Variants in CLPB observed in about 807,000 individuals in gnomAD.
CLPB encodes mitochondrial disaggregase.
In CLPB, 40 loss-of-function variants were observed where a neutral mutation model predicts 78.4. The observed-to-expected ratio is 0.51, with a 90% CI of 0.40 to 0.66. The LOEUF (loss-of-function observed/expected upper bound fraction) is 0.66. Ranked by LOEUF, CLPB falls within the 30% of genes least tolerant of loss-of-function variation. CLPB has a pLI of 0.00. For missense variants in CLPB, 780 were observed against 886.9 expected (o/e 0.88, Z 1.53); for synonymous variants, 333 against 348.0 (o/e 0.96, Z 0.48).
At chr11:72,422,549 A>G (rs1370554651) in intron 2 of CLPB, among the ~76,000 whole-genome samples, 1 of 152,214 alleles carries the variant, frequency 6.6e-6, no homozygotes, top group Non-Finnish European at 1.5e-5. Flanking sequence ...GATCTTCAGA[A>G]GCTCTCACTA....
At chr11:72,429,613 A>G (rs570333672) in intron 2 of CLPB, among the ~76,000 whole-genome samples, 14 of 152,376 alleles carry the variant, frequency 9.2e-5, no homozygotes, top group African/African-American at 3.4e-4. Flanking sequence ...TTCAACAAGA[A>G]TAAGACCTCT....
At chr11:72,316,343 T>G (rs1290407069) in intron 7 of CLPB, among the ~76,000 whole-genome samples, 2 of 152,162 alleles carry the variant, frequency 1.3e-5, no homozygotes, top group Non-Finnish European at 1.5e-5. Flanking sequence ...ACCACTGTGT[T>G]GGGGGATACA....
intron 3 of CLPB, among the ~76,000 whole-genome samples, chr11:72,402,192 TG>T (rs1241355772): frequency 6.6e-6 from 1 of 151,916 alleles, no homozygotes; most frequent in Non-Finnish European, 1.5e-5. Flanking sequence ...CCCAGGAGGC[TG>T]GGGCTGCAGC....
intron 2 of CLPB, among the ~76,000 whole-genome samples, chr11:72,421,346 T>A (rs1463796989): frequency 6.6e-6 from 1 of 152,186 alleles, no homozygotes; most frequent in South Asian, 2.1e-4. Flanking sequence ...CCAATCCACG[T>A]GTTTCCGTGT....
intron 4 of CLPB, chr11:72,373,145 C>A: frequency 1.5e-6 from 1 of 662,736 alleles, no homozygotes; most frequent in East Asian, 2.7e-5. Context: ...CCTATGCCAA[C>A]CCAGCTTCTG....
chr11:72,323,952 T>C (rs994859840), intron 6 of CLPB, among the ~76,000 whole-genome samples: 5 of 152,004 alleles, frequency 3.3e-5, no homozygotes, highest in Admixed American at 3.3e-4. Context: ...AAAAAAATTA[T>C]ATATATATCC....
In CLPB at chr11:72,319,762, T is replaced by A. The variant is rs142088955; in HGVS notation, c.874-2542A>T. Among the ~76,000 whole-genome samples, 8 of 152,332 alleles carry A rather than the reference T, an allele frequency of 5.3e-5. No individual in the cohort carries two copies. In the East Asian group the frequency reaches 1.3e-3, roughly 26 times the overall value. ...GTCTCTGGCACATAGCATTAAGAGG[T>A]AGTCTGAGTGACCAAAATGGCTACC... is the stretch of plus-strand genomic sequence containing the variant. On this transcript the variant is annotated intron_variant, in intron 6 of 15. Transcript: ENST00000538039.
chr11:72,319,518 G>A (rs1950007088), intron 6 of CLPB, among the ~76,000 whole-genome samples: 1 of 152,290 alleles, frequency 6.6e-6, no homozygotes, highest in African/African-American at 2.4e-5. Context: ...GGCAAGTTGT[G>A]TACAAAAATA....
intron 5 of CLPB, among the ~76,000 whole-genome samples, chr11:72,335,638 C>G (rs1364632727): frequency 6.6e-6 from 1 of 152,206 alleles, no homozygotes; most frequent in African/African-American, 2.4e-5. Context: ...CCTCTCTGCT[C>G]CCATAGGTCT....
intron 4 of CLPB, among the ~76,000 whole-genome samples, chr11:72,365,106 G>A (rs541009958): frequency 2.6e-4 from 39 of 152,302 alleles, no homozygotes; most frequent in Middle Eastern, 3.4e-3. Context: ...GATCATCTGA[G>A]GTTGGGAGTT....
At chr11:72,425,252 T>C (rs939727331) in intron 2 of CLPB, among the ~76,000 whole-genome samples, 1 of 152,216 alleles carries the variant, frequency 6.6e-6, no homozygotes, top group Admixed American at 6.5e-5. Flanking sequence ...GTTATCTGAC[T>C]CCTAGTTAGA....
At chr11:72,383,060 A>G (rs1312303496) in intron 3 of CLPB, among the ~76,000 whole-genome samples, 1 of 151,642 alleles carries the variant, frequency 6.6e-6, no homozygotes, top group Non-Finnish European at 1.5e-5. Flanking sequence ...GAAAAATACA[A>G]TGAATCCAAT....
At chr11:72,432,192 G>A (rs989854005) in intron 1 of CLPB, among the ~76,000 whole-genome samples, 15 of 152,044 alleles carry the variant, frequency 9.9e-5, no homozygotes, top group Non-Finnish European at 1.8e-4. Context: ...ATGGTGCCCC[G>A]AAACTGTTAT....
chr11:72,389,146 AC>A (rs1168810970), intron 3 of CLPB, among the ~76,000 whole-genome samples: 1 of 152,218 alleles, frequency 6.6e-6, no homozygotes, highest in Non-Finnish European at 1.5e-5. Flanking sequence ...CAGTAAGGAG[AC>A]AATGGAAATG....
intron 3 of CLPB, among the ~76,000 whole-genome samples, chr11:72,389,007 A>G (rs1175116298): frequency 1.3e-5 from 2 of 152,232 alleles, no homozygotes; most frequent in East Asian, 1.9e-4. Flanking sequence ...AAAGGTGTAC[A>G]TGAGGTCAGA....
chr11:72,331,730 T>G (rs1950231289), intron 5 of CLPB, among the ~76,000 whole-genome samples: 1 of 151,956 alleles, frequency 6.6e-6, no homozygotes, highest in Non-Finnish European at 1.5e-5. Context: ...TGTGCCACCA[T>G]GCCTGGCTAA....
chr11:72,301,256 A>G (rs1716431778), intron 11 of CLPB, among the ~76,000 whole-genome samples: 2 of 152,222 alleles, frequency 1.3e-5, no homozygotes, highest in African/African-American at 4.8e-5. Flanking sequence ...GAGAACCCTC[A>G]GATTCTCAGA....
rs999991405 is a variant in CLPB at position 72,291,246 on chromosome 11, G to A, written c.*2121C>T. On this transcript the variant is annotated 3_prime_UTR_variant, in exon 16 of 16. Transcript: ENST00000538039. Reference sequence around the variant, plus strand: ...CCTGGACCAGACAAAGGACATCATCGGGAAAACTGGCAAAATTTGAATGTC... The same window carrying A: ...CCTGGACCAGACAAAGGACATCATCAGGAAAACTGGCAAAATTTGAATGTC... 1.3e-5 allele frequency: 2 copies of A among 152,170 alleles called. No individual in the cohort carries two copies. Among genetic ancestry groups the A allele is most frequent in the African/African-American group, 2.4e-5 (1 of 41,450 alleles). The allele number at this position is 152,170 out of a possible 1,614,324, so 9.4% of individuals were successfully genotyped here.
Position 72,291,706 on chromosome 11 carries a change from A to C in CLPB, c.*1661T>G, listed in dbSNP as rs1246099456. 2.6e-5 allele frequency: 4 copies of C among 152,144 alleles called. No homozygotes were observed. Among genetic ancestry groups the C allele is most frequent in the Admixed American group, 2.6e-4 (4 of 15,270 alleles). 9.4% of individuals were successfully genotyped at this position (152,144 alleles called of 1,614,324 possible). ...ATGGGAATTTTCTACTATTTCTGCA[A>C]CTTTCTCTAAGTCTAAAATTATTTC... On this transcript the variant is annotated 3_prime_UTR_variant, in exon 16 of 16. Coordinates refer to ENST00000538039, the MANE Select transcript of CLPB (RefSeq NM_001258392.3).
Sources: gnomAD v4.1 joint callset for allele counts (sites outside exome capture counted in the v4.1 genomes callset) on GRCh38, gnomAD v4.1.1 for gene constraint, MANE v1.5 for transcripts, NCBI Gene and HGNC (gene_info 2026-07-23, HGNC 2026-07-21) for gene names.